The following NRDC variants were observed in gnomAD, a reference collection of about 807,000 sequenced individuals.
NRDC encodes the protein nardilysin.
In NRDC, 54 loss-of-function variants were observed where a neutral mutation model predicts 147.1. The observed-to-expected ratio is 0.37, with a 90% CI of 0.29 to 0.46. The LOEUF is 0.46. Among genes scored for constraint, NRDC ranks in the 20% least tolerant of loss-of-function variants. NRDC has a pLI of 1.00. For synonymous variants in NRDC, 440 were observed against 482.1 expected (o/e 0.91, Z 1.14); for missense variants, 1,082 against 1,370.6 (o/e 0.79, Z 3.33).
At chr1:51,835,467 G>GTTTTT (rs951683379) in intron 3 of NRDC, among the ~76,000 whole-genome samples, 20 of 114,610 alleles carry the variant, frequency 1.7e-4, no homozygotes, top group African/African-American at 4.9e-4. Flanking sequence ...TTTGTTTCTT[G>GTTTTT]TTTTTTTTTT....
chr1:51,803,411 G>A lies in NRDC; in HGVS notation c.2313+403C>T, dbSNP rs142038943. Among the ~76,000 whole-genome samples, 336 of 151,068 alleles carry A rather than the reference G, an allele frequency of 2.2e-3. 1 individual carries two copies. Among genetic ancestry groups the A allele is most frequent in the African/African-American group, 8.0e-3 (329 of 41,108 alleles). On this transcript the variant is annotated intron_variant, in intron 20 of 30. Transcript: ENST00000352171. The stretch of plus-strand genomic sequence containing the variant: ...AACTGATTGAACCCGGGAGGCGGAG[G>A]TTGCAGTGAACCAAGATCACACCAC...
rs745749158 is a variant in NRDC at position 51,878,605 on chromosome 1, C to G, written c.11G>C (p.Arg4Thr). MLRRVTVAAVCATR... is the reference protein window; with the variant it reads MLRTVTVAAVCATR... ...GGCACAGACTGCAGCAACAGTGACT[C>G]TCCTCAGCATTCACCACCAAGCTGG... The change falls in exon 1 of 31, where the codon AGA (arginine) becomes ACA (threonine). Residue 4 changes from arginine (R) to threonine (T), a missense_variant. This residue lies in a region of NRDC where 260 missense variants were observed against 253.2 expected (regional missense o/e 1.03). Coordinates refer to ENST00000352171, the MANE Select transcript of NRDC (RefSeq NM_001101662.2). 11 of 1,611,032 alleles carry G rather than the reference C, an allele frequency of 6.8e-6. No homozygotes were observed. The highest frequency in any genetic ancestry group is 2.2e-5 in the South Asian group (2 of 90,640).
intron 29 of NRDC, 82 bp downstream of exon 29, chr1:51,790,451 G>T (rs1678561729): frequency 1.2e-6 from 1 of 834,624 alleles, no homozygotes; most frequent in Non-Finnish European, 2.0e-6. Flanking sequence ...TCCACACAAT[G>T]CTGGTGTGCA....
chr1:51,836,487 G>T, intron 2 of NRDC: 1 of 1,467,176 alleles, frequency 6.8e-7, no homozygotes, highest in South Asian at 1.2e-5. Flanking sequence ...AGAGGGACTG[G>T]ACAGCCCACC....
intron 20 of NRDC, among the ~76,000 whole-genome samples, chr1:51,801,515 T>A (rs754262151): frequency 5.9e-5 from 9 of 152,230 alleles, no homozygotes; most frequent in Non-Finnish European, 1.3e-4. Flanking sequence ...GATTCTGATA[T>A]ACTAGTCTTT....
Position 51,801,547 on chromosome 1 carries a change from A to AT in NRDC, c.2314-865dup, listed in dbSNP as rs530370128. ...CTTTTGACCAGCCATATCACACCTA[A>AT]TTTTTTTTTTAATTTTAGTGGTATA... is the stretch of plus-strand genomic sequence containing the variant. On this transcript the variant is annotated intron_variant, in intron 20 of 30. Transcript: ENST00000352171. Among the ~76,000 whole-genome samples, 828 of 150,476 alleles carry AT rather than the reference A, an allele frequency of 5.5e-3. 1 individual carries two copies. The highest frequency in any genetic ancestry group is 0.02 in the Middle Eastern group (6 of 294).
intron 19 of NRDC, 76 bp from the exon 20 acceptor site, chr1:51,804,040 G>T: frequency 7.9e-7 from 1 of 1,272,664 alleles, no homozygotes. Context: ...TCAATTTAGA[G>T]TAAGCAGCTT....
chr1:51,797,961 G>T (rs937651649), intron 22 of NRDC: 3 of 287,270 alleles, frequency 1.0e-5, no homozygotes, highest in African/African-American at 6.5e-5. Context: ...GTAGGGATGA[G>T]TTCTCACTGT....
Position 51,835,136 on chromosome 1 carries a change from A to G in NRDC, c.713-966T>C, listed in dbSNP as rs563182057. 1.4e-3 allele frequency among the ~76,000 whole-genome samples: 217 copies of G among 152,182 alleles called. 1 individual carries two copies. The highest frequency in any genetic ancestry group is 0.014 in the Middle Eastern group (4 of 294). On this transcript the variant is annotated intron_variant, in intron 3 of 30. Coordinates refer to ENST00000352171, the MANE Select transcript of NRDC (RefSeq NM_001101662.2). ...GAGTGCAATGGCGTGATCTCGGCTC[A>G]CTGCAACCTCCGCCTCTTGGATTCA...
chr1:51,849,401 C>A (rs1178850028), intron 1 of NRDC, among the ~76,000 whole-genome samples: 2 of 151,456 alleles, frequency 1.3e-5, no homozygotes, highest in African/African-American at 4.9e-5. Flanking sequence ...GGCGACAGGG[C>A]AAGACTCCTT....
chr1:51,790,963 T>TTCTA lies in NRDC; in HGVS notation c.2984_2987dup (p.Glu996AspfsTer7), dbSNP rs756659026. 1 of 1,613,308 alleles carries TTCTA rather than the reference T, an allele frequency of 6.2e-7. No individual in the cohort carries two copies. The highest frequency in any genetic ancestry group is 8.5e-7 in the Non-Finnish European group (1 of 1,179,558). The stretch of plus-strand genomic sequence containing the variant: ...TCTCCTCAAAGCTAGAAAGAAACTC[T>TTCTA]TCTATCTTCTTATCAACAACTTCAG... On this transcript the variant is annotated frameshift_variant, in exon 28 of 31. Transcript: ENST00000352171. LOFTEE classifies it high-confidence loss of function.
chr1:51,823,312 C>T (rs1282003645), intron 7 of NRDC, among the ~76,000 whole-genome samples: 4 of 152,074 alleles, frequency 2.6e-5, no homozygotes, highest in African/African-American at 9.7e-5. Flanking sequence ...AGTTTGTAAT[C>T]GATATAGAGT....
chr1:51,791,745 G>A, intron 26 of NRDC, 84 bp from the exon 27 acceptor site: 1 of 1,117,240 alleles, frequency 9.0e-7, no homozygotes, highest in Non-Finnish European at 1.3e-6. Context: ...AGTGGGAAAA[G>A]TTTCTGCCCA....
At chr1:51,827,217 A>C (rs1680487197) in intron 5 of NRDC, among the ~76,000 whole-genome samples, 1 of 152,222 alleles carries the variant, frequency 6.6e-6, no homozygotes, top group African/African-American at 2.4e-5. Flanking sequence ...AGCCATCTGT[A>C]GTTTACTCAG....
intron 4 of NRDC, among the ~76,000 whole-genome samples, chr1:51,832,288 C>G (rs1194433869): frequency 6.6e-6 from 1 of 152,152 alleles, no homozygotes; most frequent in Non-Finnish European, 1.5e-5. Context: ...CTCAAGTTAT[C>G]CGCCCACCTC....
chr1:51,850,249 A>G (rs1380786117), intron 1 of NRDC, among the ~76,000 whole-genome samples: 1 of 152,192 alleles, frequency 6.6e-6, no homozygotes, highest in Non-Finnish European at 1.5e-5. Context: ...CTGAAGTACT[A>G]ACAGGAACAC....
At chr1:51,866,997 C>T (rs1682842428) in intron 1 of NRDC, among the ~76,000 whole-genome samples, 1 of 151,942 alleles carries the variant, frequency 6.6e-6, no homozygotes, top group Admixed American at 6.6e-5. Flanking sequence ...TATTCAAAGA[C>T]AGAGTCTCAG....
At chr1:51,823,425 ATC>A (rs1229686786) in intron 7 of NRDC, among the ~76,000 whole-genome samples, 4 of 152,206 alleles carry the variant, frequency 2.6e-5, no homozygotes, top group Non-Finnish European at 4.4e-5. Flanking sequence ...TACATATCTT[ATC>A]TTACAGATAA....
At chr1:51,862,107 G>GT (rs1557937587) in intron 1 of NRDC, 1 of 152,130 alleles carries the variant, frequency 6.6e-6, no homozygotes, top group Non-Finnish European at 1.5e-5. Context: ...TTCAAATTGC[G>GT]TATCTAAACA....
Sources: gnomAD v4.1 joint callset for allele counts (sites outside exome capture counted in the v4.1 genomes callset) on GRCh38, gnomAD v4.1.1 for gene constraint, gnomAD v4.1.1 regional missense constraint, MANE v1.5 for transcripts, NCBI Gene and HGNC (gene_info 2026-07-23, HGNC 2026-07-21) for gene names.